CXXC5: variants seen among roughly 807,000 people sequenced by gnomAD.
The protein encoded by CXXC5 is CXXC finger protein 5.
In CXXC5, 2 loss-of-function variants were observed where a neutral mutation model predicts 17.6. The observed-to-expected ratio is 0.11, with a 90% CI of 0.05 to 0.36. CXXC5 has a LOEUF of 0.36. Among genes scored for constraint, CXXC5 ranks in the 10% least tolerant of loss-of-function variants. CXXC5 has a pLI of 1.00. For missense variants in CXXC5, 343 were observed against 458.3 expected (o/e 0.75, Z 2.30); for synonymous variants, 171 against 193.0 (o/e 0.89, Z 0.94).
At chr5:139,659,617 G>A (rs1015277298) in intron 1 of CXXC5, 1 of 152,280 alleles carries the variant, frequency 6.6e-6, no homozygotes, top group Non-Finnish European at 1.5e-5. Flanking sequence ...CTGCGGGGGT[G>A]GCAGATGCTG....
At chr5:139,671,550 C>T (rs552721025) in intron 1 of CXXC5, among the ~76,000 whole-genome samples, 2 of 152,342 alleles carry the variant, frequency 1.3e-5, no homozygotes, top group Non-Finnish European at 1.5e-5. Flanking sequence ...TCTGTGCGGC[C>T]GGCTGGGCTG....
chr5:139,649,247 C>T (rs939030856), intron 1 of CXXC5: 1 of 152,506 alleles, frequency 6.6e-6, no homozygotes, highest in African/African-American at 2.4e-5. Flanking sequence ...TGGAGTGGGG[C>T]TGGGACGCTC....
chr5:139,675,338 G>A (rs565918877), intron 1 of CXXC5: 21 of 152,270 alleles, frequency 1.4e-4, no homozygotes, highest in Admixed American at 3.3e-4. Flanking sequence ...TGAACCCTGC[G>A]GGGGGTGAAG....
chr5:139,680,936 G>A lies in CXXC5; in HGVS notation c.413G>A (p.Ser138Asn), dbSNP rs749887237. 23 of 1,601,736 alleles carry A rather than the reference G, an allele frequency of 1.4e-5. No homozygotes were observed. The highest frequency in any genetic ancestry group is 1.2e-4 in the South Asian group (11 of 91,088). Residue 138 changes from serine (S) to asparagine (N), a missense_variant, in exon 2 of 3, where the codon AGT becomes AAT. Ser to Asn is a conservative substitution (Grantham distance 46). This residue lies in a region of CXXC5 where 297 missense variants were observed against 363.4 expected (regional missense o/e 0.82). Coordinates refer to ENST00000302517, the MANE Select transcript of CXXC5 (RefSeq NM_016463.9). ...DKSNPTSKHK[S>N]GAVASLLSKA... Reference sequence around the variant, plus strand: ...AGCAACCCTACCTCAAAGCACAAAAGTGGTGCTGTGGCCAGCCTGCTGAGC... The same window carrying A: ...AGCAACCCTACCTCAAAGCACAAAAATGGTGCTGTGGCCAGCCTGCTGAGC...
chr5:139,647,407 A>C (rs191710449), upstream of CXXC5: 1 of 150,496 alleles, frequency 6.6e-6, no homozygotes, highest in Non-Finnish European at 1.5e-5. Context: ...TGCAGTTGGG[A>C]TTATATGAGC....
At chr5:139,654,254 C>T (rs1341148770) in intron 1 of CXXC5, among the ~76,000 whole-genome samples, 1 of 152,228 alleles carries the variant, frequency 6.6e-6, no homozygotes, top group Non-Finnish European at 1.5e-5. Context: ...CTGCTACCGG[C>T]TCCTCCTAAC....
intron 1 of CXXC5, among the ~76,000 whole-genome samples, chr5:139,674,368 C>T (rs1409868350): frequency 6.6e-6 from 1 of 152,206 alleles, no homozygotes; most frequent in African/African-American, 2.4e-5. Flanking sequence ...GGAGGCAGGC[C>T]AAGGAGACCG....
At chr5:139,667,339 CTT>C (rs895730614) in intron 1 of CXXC5, among the ~76,000 whole-genome samples, 3 of 152,194 alleles carry the variant, frequency 2.0e-5, no homozygotes, top group African/African-American at 7.2e-5. Context: ...TCTGCACAGA[CTT>C]TTTTAAACCT....
At chr5:139,665,388 A>G (rs912457221) in intron 1 of CXXC5, among the ~76,000 whole-genome samples, 2 of 152,214 alleles carry the variant, frequency 1.3e-5, no homozygotes, top group African/African-American at 4.8e-5. Flanking sequence ...TGGGCCGGCC[A>G]TGGGTCTCCC....
Position 139,669,457 on chromosome 5 carries a change from C to T in CXXC5, c.-160-10907C>T, listed in dbSNP as rs527874863. Among the ~76,000 whole-genome samples the T allele has an allele frequency of 5.9e-5, 9 of 151,980 alleles. No homozygotes were observed. The South Asian group carries it at 1.5e-3, about 25-fold the overall frequency. Reference sequence around the variant, plus strand: ...GGTAGGTCAGGAAGGGCCGGAGGGGCGCCCCTCCGCCATCTGCAAGTGACA... The same window carrying T: ...GGTAGGTCAGGAAGGGCCGGAGGGGTGCCCCTCCGCCATCTGCAAGTGACA... On this transcript the variant is annotated intron_variant, in intron 1 of 2. Coordinates refer to ENST00000302517, the MANE Select transcript of CXXC5 (RefSeq NM_016463.9).
At chr5:139,669,907 A>C (rs1581602351) in intron 1 of CXXC5, among the ~76,000 whole-genome samples, 1 of 150,874 alleles carries the variant, frequency 6.6e-6, no homozygotes. Flanking sequence ...ATCCCCATCC[A>C]CCCTACTGGG....
chr5:139,659,274 G>A (rs1452860519), intron 1 of CXXC5, among the ~76,000 whole-genome samples: 1 of 152,196 alleles, frequency 6.6e-6, no homozygotes, highest in East Asian at 1.9e-4. Flanking sequence ...GAGGTAAGGA[G>A]CCGGCCAGTG....
intron 1 of CXXC5, among the ~76,000 whole-genome samples, chr5:139,664,644 C>T (rs1398514921): frequency 1.3e-5 from 2 of 152,160 alleles, no homozygotes; most frequent in Non-Finnish European, 2.9e-5. Flanking sequence ...CTCTCTGAGG[C>T]AGGGGTAAGT....
At chr5:139,650,707 C>A (rs990792180) in intron 1 of CXXC5, among the ~76,000 whole-genome samples, 18 of 152,286 alleles carry the variant, frequency 1.2e-4, no homozygotes, top group Middle Eastern at 3.4e-3. Context: ...TCACCTGATC[C>A]CCCTCCTGAA....
At chr5:139,671,641 C>G (rs1482578780) in intron 1 of CXXC5, among the ~76,000 whole-genome samples, 1 of 152,246 alleles carries the variant, frequency 6.6e-6, no homozygotes, top group Non-Finnish European at 1.5e-5. Flanking sequence ...ATGCCCGGAG[C>G]TCTGGCCCAG....
At position 139,681,246 on chromosome 5, in the gene CXXC5, T is replaced by A. The variant is rs770155910; in HGVS notation, c.723T>A (p.Ala241=). ...GCGCGCTGCACATGGCGGGCCTGGC[T>A]GAGTACCCCATGCAGGGAGAGCTGG... ...AESALHMAGL[A]EYPMQGELAS... The change falls in exon 2 of 3, where the codon GCT becomes GCA. Residue 241 remains alanine, a synonymous_variant. Transcript: ENST00000302517. 1 of 1,612,060 alleles carries A rather than the reference T, an allele frequency of 6.2e-7. No individual in the cohort carries two copies.
intron 1 of CXXC5, among the ~76,000 whole-genome samples, chr5:139,677,455 T>A (rs1362901496): frequency 6.6e-6 from 1 of 152,114 alleles, no homozygotes; most frequent in Non-Finnish European, 1.5e-5. Context: ...GGACATCAGT[T>A]TTTCCTAAGG....
chr5:139,647,392 TTA>T (rs1225990218), upstream of CXXC5: 1 of 139,818 alleles, frequency 7.2e-6, no homozygotes, highest in African/African-American at 2.5e-5. Flanking sequence ...CACTTTGGGA[TTA>T]TATGCAGTTG....
rs1756399452 is a variant in CXXC5 at position 139,670,473 on chromosome 5, G to A, written c.-160-9891G>A. Reference sequence around the variant, plus strand: ...GTGGGCAGCTTCCTGTTTCCATAGGGGCCCTAGCAGCTGGCACCAGTTCCT... The same window carrying A: ...GTGGGCAGCTTCCTGTTTCCATAGGAGCCCTAGCAGCTGGCACCAGTTCCT... On this transcript the variant is annotated intron_variant, in intron 1 of 2. Coordinates refer to ENST00000302517, the MANE Select transcript of CXXC5 (RefSeq NM_016463.9). This position sits in a 1 kb window ranked among gnomAD's most constrained non-coding sequence, Gnocchi z 4.2. Among the ~76,000 whole-genome samples, 1 of 152,092 alleles carries A rather than the reference G, an allele frequency of 6.6e-6. No homozygotes were observed. Among genetic ancestry groups the A allele is most frequent in the Admixed American group, 6.5e-5 (1 of 15,284 alleles).
Sources: allele counts gnomAD v4.1 joint callset (sites outside exome capture counted in the v4.1 genomes callset), GRCh38; gene constraint gnomAD v4.1.1; regional missense constraint gnomAD v4.1.1; non-coding constraint Gnocchi (gnomAD v3.1); transcripts MANE v1.5; gene names NCBI Gene and HGNC (gene_info 2026-07-23, HGNC 2026-07-21).